Variants in RELN observed in about 807,000 individuals in gnomAD.
RELN encodes reelin.
A neutral mutation model predicts 427.6 loss-of-function variants in RELN; 108 were observed. That is an observed-to-expected ratio of 0.25 (90% confidence interval 0.22 to 0.30). The LOEUF is 0.30. Among genes scored for constraint, RELN ranks in the 10% least tolerant of loss-of-function variants. The pLI is 1.00. For missense variants in RELN, 3,715 were observed against 4,302.8 expected (o/e 0.86, Z 3.82); for synonymous variants, 1,524 against 1,513.4 (o/e 1.01, Z -0.16).
In RELN at chr7:103,698,070, A is replaced by G; in HGVS notation, c.926T>C (p.Ile309Thr). 1 of 1,613,736 alleles carries G rather than the reference A, an allele frequency of 6.2e-7. No individual in the cohort carries two copies. Among genetic ancestry groups the G allele is most frequent in the Non-Finnish European group, 8.5e-7 (1 of 1,179,754 alleles). ...KIRAPSNVST[I>T]IHILYLPEDA... is the part of the protein sequence containing the mutation. ...CTCAGGAAGGTAGAGGATATGGATG[A>G]TTGTGCTGACATTGGAAGGGGCTCT... The change falls in exon 10 of 65, where the codon ATC becomes ACC. Residue 309 changes from isoleucine (I) to threonine (T), a missense_variant. Physicochemically the swap from Ile to Thr is moderately conservative, Grantham distance 89. Around this residue, in one of 4 missense-constraint regions of RELN, gnomAD observed 2,208 missense variants for 2,361.7 expected, o/e 0.93. Transcript: ENST00000428762.
chr7:103,525,619 C>T (rs1005710069), intron 46 of RELN, among the ~76,000 whole-genome samples: 1 of 151,714 alleles, frequency 6.6e-6, no homozygotes, highest in Admixed American at 6.6e-5. Flanking sequence ...GCAGCAACAA[C>T]TTATAATTAA....
rs191725989 is a variant in RELN at position 103,516,488 on chromosome 7, A to G, written c.7863-1047T>C. 3.7e-4 allele frequency among the ~76,000 whole-genome samples: 57 copies of G among 152,132 alleles called. 1 individual carries two copies. The South Asian group carries it at 8.5e-3, about 23-fold the overall frequency. ...TTTTTAGTAGAGATAGGGTTTCACC[A>G]TGTTGGCCAGGTTGGTTTCGAACTC... On this transcript the variant is annotated intron_variant, in intron 49 of 64. Transcript: ENST00000428762.
intron 3 of RELN, among the ~76,000 whole-genome samples, chr7:103,786,274 C>G (rs1792012587): frequency 6.6e-6 from 1 of 151,580 alleles, no homozygotes; most frequent in South Asian, 2.1e-4. Flanking sequence ...AAATCATATA[C>G]CCTTGTAGTT....
At chr7:103,588,566 G>A (rs1240961459) in intron 28 of RELN, among the ~76,000 whole-genome samples, 3 of 152,134 alleles carry the variant, frequency 2.0e-5, no homozygotes, top group South Asian at 2.1e-4. Flanking sequence ...TATGCATTAT[G>A]TACATGTAAC....
chr7:103,866,188 T>C (rs1386422810), intron 2 of RELN, among the ~76,000 whole-genome samples: 1 of 152,166 alleles, frequency 6.6e-6, no homozygotes, highest in Non-Finnish European at 1.5e-5. Flanking sequence ...TTTGAACTAG[T>C]GCTGGAAATG....
intron 1 of RELN, among the ~76,000 whole-genome samples, chr7:103,925,912 T>C (rs1795720981): frequency 6.6e-6 from 1 of 151,974 alleles, no homozygotes; most frequent in African/African-American, 2.4e-5. Context: ...TCCCCCAAAA[T>C]CATCAGGTGT....
intron 6 of RELN, among the ~76,000 whole-genome samples, chr7:103,734,882 G>C (rs972856994): frequency 3.3e-5 from 5 of 152,062 alleles, no homozygotes; most frequent in Admixed American, 6.6e-5. Flanking sequence ...TCAATTATAG[G>C]GTAATTTTTT....
chr7:103,791,589 A>G (rs1197794017), intron 3 of RELN, among the ~76,000 whole-genome samples: 1 of 152,224 alleles, frequency 6.6e-6, no homozygotes, highest in African/African-American at 2.4e-5. Flanking sequence ...AACAAAATGG[A>G]TCATAGATTT....
At chr7:103,754,456 C>T (rs891386969) in intron 4 of RELN, among the ~76,000 whole-genome samples, 7 of 151,444 alleles carry the variant, frequency 4.6e-5, no homozygotes, top group Non-Finnish European at 7.4e-5. Flanking sequence ...AAAGGAAGAC[C>T]GAGTCACTCA....
At chr7:103,819,249 ATATTT>A (rs1792957578) in intron 3 of RELN, among the ~76,000 whole-genome samples, 1 of 152,088 alleles carries the variant, frequency 6.6e-6, no homozygotes, top group African/African-American at 2.4e-5. Flanking sequence ...TTTATGACAT[ATATTT>A]ATTTACTGAA....
intron 20 of RELN, among the ~76,000 whole-genome samples, chr7:103,619,716 T>C (rs949126368): frequency 1.2e-4 from 19 of 152,254 alleles, no homozygotes; most frequent in African/African-American, 4.1e-4. Flanking sequence ...AAGCACAGCA[T>C]GGGCTGTGGA....
intron 4 of RELN, among the ~76,000 whole-genome samples, chr7:103,770,107 CAG>C (rs1312899017): frequency 6.8e-6 from 1 of 147,880 alleles, no homozygotes; most frequent in Non-Finnish European, 1.5e-5. Context: ...TATTTTTAGA[CAG>C]AGTCTCACTC....
intron 2 of RELN, among the ~76,000 whole-genome samples, chr7:103,901,472 T>C (rs1584348638): frequency 6.6e-6 from 1 of 152,100 alleles, no homozygotes; most frequent in East Asian, 1.9e-4. Context: ...GGCAACATTA[T>C]TTGTAATAGC....
At chr7:103,639,021 A>C (rs1264110108) in intron 17 of RELN, among the ~76,000 whole-genome samples, 1 of 152,230 alleles carries the variant, frequency 6.6e-6, no homozygotes, top group Non-Finnish European at 1.5e-5. Context: ...TTTTTAGGAC[A>C]ACATCAGGAT....
At position 103,651,807 on chromosome 7, in the gene RELN, A is replaced by G. The variant is rs772805658; in HGVS notation, c.1764-18T>C. 2.5e-6 allele frequency: 4 copies of G among 1,610,084 alleles called. No homozygotes were observed. The South Asian group carries it at 3.3e-5, about 13-fold the overall frequency. On this transcript the variant is annotated intron_variant, in intron 14 of 64. Transcript: ENST00000428762. ...AGCTGACACTAATAAAACCAGAACA[A>G]GCACACACAAAAGGTGGGGAGGGTA...
At chr7:103,775,156 G>A (rs1013975691) in intron 4 of RELN, among the ~76,000 whole-genome samples, 2 of 152,070 alleles carry the variant, frequency 1.3e-5, no homozygotes, top group African/African-American at 4.8e-5. Context: ...GGATATTAAT[G>A]TTCACTGCTA....
At chr7:103,833,851 A>G (rs1372743868) in intron 2 of RELN, among the ~76,000 whole-genome samples, 179 bp from the exon 3 acceptor site, 2 of 152,210 alleles carry the variant, frequency 1.3e-5, no homozygotes, top group Non-Finnish European at 2.9e-5. Flanking sequence ...CACTTAAAAT[A>G]TTATGGTTAA....
intron 60 of RELN, among the ~76,000 whole-genome samples, chr7:103,487,480 T>G (rs1379985535): frequency 1.7e-5 from 2 of 117,196 alleles, no homozygotes; most frequent in Non-Finnish European, 3.5e-5. Flanking sequence ...AAAGGCAAAA[T>G]ACTAAGTAGA....
intron 46 of RELN, among the ~76,000 whole-genome samples, chr7:103,526,871 C>A (rs543821325): frequency 7.9e-5 from 12 of 152,034 alleles, no homozygotes; most frequent in African/African-American, 2.7e-4. Flanking sequence ...ATAATGATGG[C>A]CACCATCAGC....
Sources: allele counts gnomAD v4.1 joint callset (sites outside exome capture counted in the v4.1 genomes callset), GRCh38; gene constraint gnomAD v4.1.1; regional missense constraint gnomAD v4.1.1; transcripts MANE v1.5; gene names NCBI Gene and HGNC (gene_info 2026-07-23, HGNC 2026-07-21).